Variants in NUBPL observed in about 807,000 individuals in gnomAD.
NUBPL encodes iron-sulfur cluster transfer protein NUBPL.
Under a neutral mutation model 45.7 loss-of-function variants are expected in NUBPL, and 31 were observed. The observed-to-expected ratio is 0.68, with a 90% CI of 0.51 to 0.92. NUBPL has a LOEUF of 0.92. NUBPL is among the 40% of genes least tolerant of loss of function. The pLI is 0.00. For missense variants in NUBPL, 401 were observed against 398.7 expected, an observed-to-expected ratio of 1.01 and a Z score of -0.05; for synonymous variants, 144 against 140.9, an observed-to-expected ratio of 1.02 and a Z score of -0.15.
At position 31,564,996 on chromosome 14, in the gene NUBPL, T is replaced by C. The variant is rs746579239; in HGVS notation, c.257-18T>C. 8 of 1,469,480 alleles carry C rather than the reference T, an allele frequency of 5.4e-6. No individual in the cohort carries two copies. Among genetic ancestry groups the C allele is most frequent in the South Asian group, 1.3e-5 (1 of 79,012 alleles). The allele number at this position is 1,469,480 out of a possible 1,614,324, so 91.0% of individuals were successfully genotyped here. A position where few individuals can be genotyped will look rare whatever the true frequency, so the allele number is the denominator to read the frequency against. On this transcript the variant is annotated intron_variant, in intron 2 of 10. Transcript: ENST00000281081. Reference sequence around the variant, plus strand: ...AAGGAAAGTTACTAAATTCAATTACTTTTTTTGTTTCTTACAGTGAATCTT... The same window carrying C: ...AAGGAAAGTTACTAAATTCAATTACCTTTTTTGTTTCTTACAGTGAATCTT...
chr14:31,827,686 C>A (rs1402999093), intron 8 of NUBPL, among the ~76,000 whole-genome samples: 2 of 152,106 alleles, frequency 1.3e-5, no homozygotes, highest in Admixed American at 1.3e-4. Flanking sequence ...CTTCAGGAGT[C>A]TCATGTTTTT....
At chr14:31,816,732 T>G (rs149227066) in intron 7 of NUBPL, among the ~76,000 whole-genome samples, 3 of 152,276 alleles carry the variant, frequency 2.0e-5, no homozygotes, top group African/African-American at 7.2e-5. Flanking sequence ...TTGTCGTCTC[T>G]TTGTTCTCAT....
chr14:31,846,905 G>C (rs535547633), intron 9 of NUBPL, among the ~76,000 whole-genome samples: 42 of 151,926 alleles, frequency 2.8e-4, no homozygotes, highest in African/African-American at 9.4e-4. Context: ...GCAGTGAGCT[G>C]AGATAGCACC....
intron 4 of NUBPL, among the ~76,000 whole-genome samples, chr14:31,609,902 G>A (rs544767129): frequency 1.3e-5 from 2 of 152,134 alleles, no homozygotes; most frequent in Admixed American, 6.5e-5. Context: ...ACCAAACCCT[G>A]TGGGATACAA....
At chr14:31,756,309 A>G (rs1032570459) in intron 6 of NUBPL, among the ~76,000 whole-genome samples, 1 of 152,014 alleles carries the variant, frequency 6.6e-6, no homozygotes, top group Non-Finnish European at 1.5e-5. Flanking sequence ...CATTTTCACG[A>G]TATTGATTCT....
intron 6 of NUBPL, among the ~76,000 whole-genome samples, chr14:31,680,414 A>C (rs1466867729): frequency 2.0e-5 from 3 of 151,950 alleles, no homozygotes; most frequent in African/African-American, 7.2e-5. Context: ...TGTTTCTTGA[A>C]AGTTTTTATT....
chr14:31,765,610 ATACT>A (rs1277571351), intron 6 of NUBPL, among the ~76,000 whole-genome samples: 2 of 138,382 alleles, frequency 1.4e-5, no homozygotes, highest in African/African-American at 5.4e-5. Flanking sequence ...AATTAATCAA[ATACT>A]TAATTCATAA....
chr14:31,691,368 G>T (rs2037089936), intron 6 of NUBPL, among the ~76,000 whole-genome samples: 1 of 152,188 alleles, frequency 6.6e-6, no homozygotes, highest in Non-Finnish European at 1.5e-5. Flanking sequence ...ATGTGGTAAT[G>T]ACTGACTATG....
intron 4 of NUBPL, among the ~76,000 whole-genome samples, chr14:31,664,931 C>A (rs1039909405): frequency 6.6e-6 from 1 of 151,526 alleles, no homozygotes; most frequent in African/African-American, 2.4e-5. Flanking sequence ...TTGGTCTATT[C>A]AGGTATTAGT....
chr14:31,663,737 C>T (rs1473166189), intron 4 of NUBPL, among the ~76,000 whole-genome samples: 1 of 152,074 alleles, frequency 6.6e-6, no homozygotes, highest in Non-Finnish European at 1.5e-5. Flanking sequence ...TTTTTTGTTC[C>T]ATATGAAATA....
intron 7 of NUBPL, among the ~76,000 whole-genome samples, chr14:31,793,851 TTA>T (rs1387435025): frequency 0.03 from 4,075 of 137,852 alleles, 233 homozygotes; most frequent in African/African-American, 0.099. Flanking sequence ...ATTTTTTTTT[TTA>T]TTTTTTCCCA....
At chr14:31,675,327 T>C (rs970120562) in intron 6 of NUBPL, among the ~76,000 whole-genome samples, 1 of 152,194 alleles carries the variant, frequency 6.6e-6, no homozygotes, top group Non-Finnish European at 1.5e-5. Context: ...GTGCATTTTA[T>C]TGGGAGCTGA....
At chr14:31,653,010 G>A (rs532501966) in intron 4 of NUBPL, among the ~76,000 whole-genome samples, 1 of 152,290 alleles carries the variant, frequency 6.6e-6, no homozygotes, top group East Asian at 1.9e-4. Context: ...AAACCAGCAG[G>A]TTTTTATCAA....
chr14:31,775,243 C>A (rs2039078436), intron 6 of NUBPL, among the ~76,000 whole-genome samples: 1 of 152,040 alleles, frequency 6.6e-6, no homozygotes, highest in Admixed American at 6.6e-5. Context: ...CATGGTGAAA[C>A]CCTGTCTCTA....
At chr14:31,640,450 A>G (rs909927399) in intron 4 of NUBPL, among the ~76,000 whole-genome samples, 1 of 151,642 alleles carries the variant, frequency 6.6e-6, no homozygotes, top group Non-Finnish European at 1.5e-5. Flanking sequence ...AAATACAAAA[A>G]TTAGTAAAAA....
At chr14:31,631,164 C>A (rs1309380452) in intron 4 of NUBPL, among the ~76,000 whole-genome samples, 4 of 152,086 alleles carry the variant, frequency 2.6e-5, no homozygotes, top group Admixed American at 6.5e-5. Flanking sequence ...ATAGTCTTCC[C>A]TGCTGTAATT....
chr14:31,593,513 C>CA (rs34026301), intron 3 of NUBPL, among the ~76,000 whole-genome samples: 33,337 of 75,004 alleles, frequency 0.44, 7,549 homozygotes, highest in East Asian at 0.54. Flanking sequence ...GCTTCCGTCT[C>CA]AAAAAAAAAA....
At chr14:31,614,570 T>C (rs939480665) in intron 4 of NUBPL, among the ~76,000 whole-genome samples, 4 of 152,210 alleles carry the variant, frequency 2.6e-5, no homozygotes, top group Non-Finnish European at 4.4e-5. Context: ...TGAAAACTTA[T>C]GATTTTCTTA....
intron 3 of NUBPL, among the ~76,000 whole-genome samples, chr14:31,591,101 A>G (rs1383653222): frequency 1.3e-5 from 2 of 152,202 alleles, no homozygotes; most frequent in African/African-American, 2.4e-5. Flanking sequence ...AAATCTTGCT[A>G]GTAAGCAGAT....
Sources: gnomAD v4.1 joint callset for allele counts (sites outside exome capture counted in the v4.1 genomes callset) on GRCh38, gnomAD v4.1.1 for gene constraint, MANE v1.5 for transcripts, NCBI Gene and HGNC (gene_info 2026-07-23, HGNC 2026-07-21) for gene names.